Variants in MCC observed in about 807,000 individuals in gnomAD.
MCC encodes the protein colorectal mutant cancer protein.
MCC carries 90 observed loss-of-function variants against 116.2 expected under a neutral mutation model. The observed-to-expected ratio is 0.77, with a 90% CI of 0.65 to 0.92. MCC has a LOEUF of 0.92. Among genes scored for constraint, MCC ranks in the 40% least tolerant of loss-of-function variants. The probability of loss-of-function intolerance (pLI) is 0.00; values close to 1 mark genes in which losing one functional copy is unlikely to be tolerated. For missense variants in MCC, 1,516 were observed against 1,312.2 expected, an observed-to-expected ratio of 1.16 and a Z score of -2.40; for synonymous variants, 578 against 510.5, an observed-to-expected ratio of 1.13 and a Z score of -1.78.
At chr5:113,253,995 C>G (rs1339978201) in intron 3 of MCC, among the ~76,000 whole-genome samples, 1 of 152,132 alleles carries the variant, frequency 6.6e-6, no homozygotes, top group Non-Finnish European at 1.5e-5. Flanking sequence ...TAACATCAAT[C>G]TACTGAACCC....
intron 2 of MCC, among the ~76,000 whole-genome samples, chr5:113,350,813 T>A (rs996045957): frequency 6.6e-6 from 1 of 151,920 alleles, no homozygotes; most frequent in Non-Finnish European, 1.5e-5. Flanking sequence ...CCAGAATCTA[T>A]AAGGACCTCA....
intron 2 of MCC, among the ~76,000 whole-genome samples, chr5:113,342,227 A>G (rs1432797758): frequency 6.6e-6 from 1 of 152,096 alleles, no homozygotes; most frequent in African/African-American, 2.4e-5. Flanking sequence ...CATTTTCTTT[A>G]TCCAGTTATT....
chr5:113,335,168 G>A (rs1201654047), intron 3 of MCC, among the ~76,000 whole-genome samples: 2 of 151,668 alleles, frequency 1.3e-5, no homozygotes, highest in Non-Finnish European at 2.9e-5. Context: ...CATAATGATT[G>A]TAGTGTGTTA....
At chr5:113,155,288 A>C (rs1056505164) in intron 3 of MCC, among the ~76,000 whole-genome samples, 2 of 152,208 alleles carry the variant, frequency 1.3e-5, no homozygotes, top group Non-Finnish European at 2.9e-5. Context: ...TCATCTGCTG[A>C]TGCACACTTA....
rs1750383669 is a variant in MCC at position 113,024,422 on chromosome 5, C to T, written c.*2880G>A. 1 of 152,180 alleles carries T rather than the reference C, an allele frequency of 6.6e-6. No individual in the cohort carries two copies. Among genetic ancestry groups the T allele is most frequent in the African/African-American group, 2.4e-5 (1 of 41,440 alleles). The allele number at this position is 152,180 out of a possible 1,614,324, so 9.4% of individuals were successfully genotyped here. A position where few individuals can be genotyped will look rare whatever the true frequency, so the allele number is the denominator to read the frequency against. Reference sequence around the variant, plus strand: ...AAGTCTCTTTTGCTTGTGATTTGCACAGTTGGTTTTGTTTGCCTCAGTCCA... The same window carrying T: ...AAGTCTCTTTTGCTTGTGATTTGCATAGTTGGTTTTGTTTGCCTCAGTCCA... On this transcript the variant is annotated 3_prime_UTR_variant, in exon 19 of 19. Transcript: ENST00000408903.
intron 8 of MCC, among the ~76,000 whole-genome samples, chr5:113,100,037 T>C (rs192234962): frequency 2.0e-5 from 3 of 152,312 alleles, no homozygotes; most frequent in African/African-American, 7.2e-5. Flanking sequence ...GATAAAGCCT[T>C]TGCTGACTGG....
intron 3 of MCC, among the ~76,000 whole-genome samples, chr5:113,260,316 G>C (rs752144681): frequency 6.6e-6 from 1 of 152,010 alleles, no homozygotes; most frequent in Admixed American, 6.6e-5. Flanking sequence ...TTTTCCAAAA[G>C]AAAATTTACT....
chr5:113,093,404 G>C (rs1442875810), intron 8 of MCC, among the ~76,000 whole-genome samples: 2 of 151,986 alleles, frequency 1.3e-5, no homozygotes, highest in Admixed American at 6.6e-5. Flanking sequence ...CCTGTCAATA[G>C]CCACTGCATT....
intron 6 of MCC, among the ~76,000 whole-genome samples, chr5:113,106,007 T>G (rs11743369): frequency 0.45 from 68,184 of 151,936 alleles, 17,259 homozygotes; most frequent in African/African-American, 0.7. Context: ...CTCTGGGGGT[T>G]GGGCTTGCAC....
chr5:113,361,963 C>A (rs1768559552), intron 2 of MCC, among the ~76,000 whole-genome samples: 1 of 152,110 alleles, frequency 6.6e-6, no homozygotes, highest in Non-Finnish European at 1.5e-5. Context: ...TCAGACTGAG[C>A]CACACCAGCA....
intron 3 of MCC, among the ~76,000 whole-genome samples, chr5:113,233,674 C>G (rs759343750): frequency 2.6e-5 from 4 of 152,218 alleles, no homozygotes; most frequent in Non-Finnish European, 5.9e-5. Context: ...CAACTCCAGC[C>G]AGATGGCAAC....
At chr5:113,082,550 C>T (rs1040050319) in intron 11 of MCC, among the ~76,000 whole-genome samples, 8 of 152,192 alleles carry the variant, frequency 5.3e-5, no homozygotes, top group South Asian at 2.1e-4. Flanking sequence ...CAGTGTGAAA[C>T]GAAAAAGTGG....
intron 3 of MCC, among the ~76,000 whole-genome samples, chr5:113,180,585 G>A (rs775638683): frequency 5.3e-5 from 8 of 152,130 alleles, no homozygotes; most frequent in Non-Finnish European, 1.2e-4. Flanking sequence ...GCCCAAGATT[G>A]ACCACTTAAC....
At chr5:113,054,677 C>A (rs1242286089) in intron 14 of MCC, among the ~76,000 whole-genome samples, 1 of 152,216 alleles carries the variant, frequency 6.6e-6, no homozygotes, top group Non-Finnish European at 1.5e-5. Flanking sequence ...TACCCCCTGG[C>A]CTTCACAGGA....
intron 6 of MCC, among the ~76,000 whole-genome samples, chr5:113,110,497 G>C (rs1259778412): frequency 1.3e-5 from 2 of 152,260 alleles, no homozygotes; most frequent in African/African-American, 4.8e-5. Context: ...GTGAAGTGAT[G>C]TGATGCCAGT....
At chr5:113,351,474 T>C (rs1561534365) in intron 2 of MCC, among the ~76,000 whole-genome samples, 1 of 152,128 alleles carries the variant, frequency 6.6e-6, no homozygotes, top group Non-Finnish European at 1.5e-5. Flanking sequence ...CACTTATTTG[T>C]AGGAGCTAAA....
At chr5:113,310,311 C>T (rs1164668994) in intron 3 of MCC, among the ~76,000 whole-genome samples, 1 of 152,218 alleles carries the variant, frequency 6.6e-6, no homozygotes, top group Non-Finnish European at 1.5e-5. Context: ...GTGTTCCTCC[C>T]CTCCAGAGGA....
chr5:113,183,939 T>A (rs1350659818), intron 3 of MCC, among the ~76,000 whole-genome samples: 1 of 151,382 alleles, frequency 6.6e-6, no homozygotes, highest in Non-Finnish European at 1.5e-5. Context: ...CCCATGCAAT[T>A]TTTCGGTTGT....
At chr5:113,165,162 G>C (rs1760702476) in intron 3 of MCC, among the ~76,000 whole-genome samples, 1 of 152,204 alleles carries the variant, frequency 6.6e-6, no homozygotes, top group African/African-American at 2.4e-5. Flanking sequence ...CACAATGCAA[G>C]TCAACCACAG....
Sources: allele counts gnomAD v4.1 joint callset (sites outside exome capture counted in the v4.1 genomes callset), GRCh38; gene constraint gnomAD v4.1.1; transcripts MANE v1.5; gene names NCBI Gene and HGNC (gene_info 2026-07-23, HGNC 2026-07-21).